Variants in SDAD1 observed in about 807,000 individuals in gnomAD.
The protein encoded by SDAD1 is protein SDA1 homolog.
In SDAD1, 79 loss-of-function variants were observed where a neutral mutation model predicts 100.3. The observed-to-expected ratio is 0.79, with a 90% CI of 0.66 to 0.95. The LOEUF (loss-of-function observed/expected upper bound fraction) is 0.95, where lower values mean the gene tolerates loss of function less well. Ranked by LOEUF, SDAD1 falls within the 40% of genes least tolerant of loss-of-function variation. The pLI is 0.00. For synonymous variants in SDAD1, 267 were observed against 271.4 expected, an observed-to-expected ratio of 0.98 and a Z score of 0.16; for missense variants, 790 against 810.9, an observed-to-expected ratio of 0.97 and a Z score of 0.31.
At chr4:75,985,073 T>C (rs1000531524) in intron 1 of SDAD1, among the ~76,000 whole-genome samples, 1 of 152,166 alleles carries the variant, frequency 6.6e-6, no homozygotes, top group Non-Finnish European at 1.5e-5. Flanking sequence ...CAACTCTTTA[T>C]GCTACTGACA....
rs755178914 is a variant in SDAD1 at position 75,982,701 on chromosome 4, C to A, written c.91-664G>T. 2.4e-4 allele frequency among the ~76,000 whole-genome samples: 36 copies of A among 151,998 alleles called. 1 individual carries two copies. Among genetic ancestry groups the A allele is most frequent in the Non-Finnish European group, 2.6e-4 (18 of 67,986 alleles). On this transcript the variant is annotated intron_variant, in intron 1 of 21. Transcript: ENST00000356260. Reference sequence around the variant, plus strand: ...TACTACCATATCCATGTATGCAGAGCACTCAAATCAGCAGAAAAATAACAG... The same window carrying A: ...TACTACCATATCCATGTATGCAGAGAACTCAAATCAGCAGAAAAATAACAG...
intron 2 of SDAD1, 181 bp from the exon 3 acceptor site, chr4:75,981,651 T>G: frequency 9.6e-6 from 10 of 1,045,242 alleles, no homozygotes; most frequent in Non-Finnish European, 1.4e-5. Context: ...ATGGTTTCTC[T>G]AGTCTTAGTA....
At chr4:75,956,858 C>T (rs1728925094) in intron 20 of SDAD1, among the ~76,000 whole-genome samples, 1 of 152,192 alleles carries the variant, frequency 6.6e-6, no homozygotes, top group African/African-American at 2.4e-5. Context: ...GCCTATACTC[C>T]CAGCACTTTG....
rs371984508 is a variant in SDAD1 at position 75,965,892 on chromosome 4, T to C, written c.1046-70A>G. 67 of 1,266,966 alleles carry C rather than the reference T, an allele frequency of 5.3e-5. 1 individual carries two copies. In the African/African-American group the frequency reaches 8.0e-4, roughly 15 times the overall value. The allele number at this position is 1,266,966 out of a possible 1,614,324, so 78.5% of individuals were successfully genotyped here. On this transcript the variant is annotated intron_variant, in intron 12 of 21. Coordinates refer to ENST00000356260, the MANE Select transcript of SDAD1 (RefSeq NM_018115.4). ...CTGCCTCTGAGGACCACAGCAAACA[T>C]GGCAAGCTCATTCTGGTCTAAATGG... is the stretch of plus-strand genomic sequence containing the variant.
At chr4:75,976,745 A>T (rs1343341214) in intron 4 of SDAD1, among the ~76,000 whole-genome samples, 3 of 87,834 alleles carry the variant, frequency 3.4e-5, no homozygotes, top group Non-Finnish European at 5.4e-5. Context: ...AGTGTTATTA[A>T]AAAAAAAATG....
In SDAD1 at chr4:75,983,636, GT is replaced by G. The variant is rs573445860; in HGVS notation, c.91-1600del. ...TATCCTTTGCCCACTTTTTGATGGG[GT>G]TTTTTTTTTCTTGTAAATTTGTTTA... On this transcript the variant is annotated intron_variant, in intron 1 of 21. Coordinates refer to ENST00000356260, the MANE Select transcript of SDAD1 (RefSeq NM_018115.4). Among the ~76,000 whole-genome samples, 26 of 149,184 alleles carry G rather than the reference GT, an allele frequency of 1.7e-4. 1 individual carries two copies. The highest frequency in any genetic ancestry group is 1.5e-3 in the South Asian group (7 of 4,720).
At chr4:75,980,998 G>A (rs1730469723) in intron 3 of SDAD1, 1 of 167,756 alleles carries the variant, frequency 6.0e-6, no homozygotes, top group African/African-American at 2.4e-5. Context: ...TTATAAAAAT[G>A]ACAAGTTGTG....
intron 14 of SDAD1, among the ~76,000 whole-genome samples, chr4:75,961,923 A>G (rs999217773): frequency 3.3e-5 from 5 of 152,178 alleles, no homozygotes; most frequent in African/African-American, 1.2e-4. Flanking sequence ...TTATGCTTTA[A>G]GTTATAGGGT....
chr4:75,981,578 A>G (rs1052708091), intron 2 of SDAD1, 108 bp from the exon 3 acceptor site: 3 of 1,550,632 alleles, frequency 1.9e-6, no homozygotes, highest in African/African-American at 1.4e-5. Flanking sequence ...TATGTTTCAT[A>G]GAAGTAGATG....
At position 75,983,862 on chromosome 4, in the gene SDAD1, C is replaced by T. The variant is rs146084125; in HGVS notation, c.91-1825G>A. Among the ~76,000 whole-genome samples, 1,056 of 152,102 alleles carry T rather than the reference C, an allele frequency of 6.9e-3. 5 individuals are homozygous for T. The highest frequency in any genetic ancestry group is 0.031 in the Middle Eastern group (9 of 292). Reference sequence around the variant, plus strand: ...GGTGTTTTAGTCATTAAGTCTTGCCCGGGCCTATGTCCTGAATGGTATTGC... The same window carrying T: ...GGTGTTTTAGTCATTAAGTCTTGCCTGGGCCTATGTCCTGAATGGTATTGC... On this transcript the variant is annotated intron_variant, in intron 1 of 21. Transcript: ENST00000356260.
At position 75,975,904 on chromosome 4, in the gene SDAD1, G is replaced by T. The variant is rs916484789; in HGVS notation, c.477+20C>A. ...CTGATGGTACAATGCTGCAAACATG[G>T]AAGACAGAAGAGTACTTACTACATT... On this transcript the variant is annotated intron_variant, in intron 5 of 21. Coordinates refer to ENST00000356260, the MANE Select transcript of SDAD1 (RefSeq NM_018115.4). 3 of 1,600,342 alleles carry T rather than the reference G, an allele frequency of 1.9e-6. No homozygotes were observed. The highest frequency in any genetic ancestry group is 2.6e-6 in the Non-Finnish European group (3 of 1,167,598).
intron 1 of SDAD1, among the ~76,000 whole-genome samples, chr4:75,985,831 A>C (rs1010128294): frequency 2.6e-5 from 4 of 152,114 alleles, no homozygotes; most frequent in African/African-American, 4.8e-5. Context: ...TTATTTTCCA[A>C]ACTCCAACGA....
intron 1 of SDAD1, among the ~76,000 whole-genome samples, chr4:75,984,778 A>ACACACACACACACACAC (rs1730779567): frequency 3.6e-4 from 49 of 136,926 alleles, no homozygotes; most frequent in South Asian, 5.0e-4. Flanking sequence ...CACACACACA[A>ACACACACACACACACAC]ACACACACAC....
At chr4:75,956,795 T>C (rs1728921386) in intron 20 of SDAD1, among the ~76,000 whole-genome samples, 1 of 152,220 alleles carries the variant, frequency 6.6e-6, no homozygotes, top group African/African-American at 2.4e-5. Flanking sequence ...GGTGGTTACA[T>C]GGCTATATAC....
Position 75,961,013 on chromosome 4 carries a change from G to C in SDAD1, c.1356+15C>G. 6.2e-7 allele frequency: 1 copy of C among 1,609,670 alleles called. No homozygotes were observed. Among genetic ancestry groups the C allele is most frequent in the Non-Finnish European group, 8.5e-7 (1 of 1,176,824 alleles). ...GACCATAACCTTTAGACCAACATAA[G>C]TGTGCTTTACCTACCCGGAATTTCT... On this transcript the variant is annotated intron_variant, in intron 16 of 21. Coordinates refer to ENST00000356260, the MANE Select transcript of SDAD1 (RefSeq NM_018115.4).
Position 75,957,905 on chromosome 4 carries a change from T to C in SDAD1, c.1520A>G (p.Asp507Gly), listed in dbSNP as rs1257316339. 6.2e-7 allele frequency: 1 copy of C among 1,613,118 alleles called. No individual in the cohort carries two copies. The highest frequency in any genetic ancestry group is 2.2e-5 in the East Asian group (1 of 44,874). ...CACATCAATCCATTCACCATCAGCA[T>C]CCTCCTCCTCACTGAGACTGGTACT... Reference protein sequence around the residue: ...WESTSLSEEEDADGEWIDVQH... With the variant: ...WESTSLSEEEGADGEWIDVQH... The change falls in exon 18 of 22, where the codon GAT becomes GGT. Residue 507 changes from aspartate to glycine, a missense_variant. Transcript: ENST00000356260.
At chr4:75,956,252 T>G in intron 20 of SDAD1, 116 bp from the exon 21 acceptor site, 1 of 1,035,100 alleles carries the variant, frequency 9.7e-7, no homozygotes, top group African/African-American at 1.6e-5. Flanking sequence ...GGGCACAGAA[T>G]GGACAGGACA....
chr4:75,958,095 C>T (rs182814750), intron 17 of SDAD1, among the ~76,000 whole-genome samples, 154 bp from the exon 18 acceptor site: 1 of 152,268 alleles, frequency 6.6e-6, no homozygotes, highest in Non-Finnish European at 1.5e-5. Flanking sequence ...AACAATGTGC[C>T]TTTAGTTAAT....
rs185638318 is a variant in SDAD1, at chr4:75,986,928, G to T, written c.90+3824C>A. Among the ~76,000 whole-genome samples the T allele has an allele frequency of 7.2e-3, 1,095 of 152,190 alleles. 8 individuals carry two copies. Among genetic ancestry groups the T allele is most frequent in the Non-Finnish European group, 0.01 (705 of 67,996 alleles). On this transcript the variant is annotated intron_variant, in intron 1 of 21. Transcript: ENST00000356260. Reference sequence around the variant, plus strand: ...AGCTACCCTGGAGGCTGAGGCGGGAGGATTGCTTGAGCCCAGGAGGTTGAG... The same window carrying T: ...AGCTACCCTGGAGGCTGAGGCGGGATGATTGCTTGAGCCCAGGAGGTTGAG...
Sources: allele counts gnomAD v4.1 joint callset (sites outside exome capture counted in the v4.1 genomes callset), GRCh38; gene constraint gnomAD v4.1.1; transcripts MANE v1.5; gene names NCBI Gene and HGNC (gene_info 2026-07-23, HGNC 2026-07-21).